Variants in SLC35F3 observed in about 807,000 individuals in gnomAD.
The protein encoded by SLC35F3 is putative thiamine transporter SLC35F3.
A neutral mutation model predicts 49.9 loss-of-function variants in SLC35F3; 25 were observed. The ratio of observed to expected loss-of-function variants is 0.50; its 90% CI spans 0.37 to 0.70. SLC35F3 has a LOEUF of 0.70. SLC35F3 is among the 30% of genes least tolerant of loss of function. The probability of loss-of-function intolerance (pLI) is 0.00; values close to 1 mark genes in which losing one functional copy is unlikely to be tolerated. For synonymous variants in SLC35F3, 275 were observed against 265.4 expected (o/e 1.04, Z -0.35); for missense variants, 525 against 639.8 (o/e 0.82, Z 1.94).
chr1:233,926,379 C>G (rs980624475), intron 2 of SLC35F3, among the ~76,000 whole-genome samples: 5 of 152,018 alleles, frequency 3.3e-5, no homozygotes, highest in Non-Finnish European at 5.9e-5. Context: ...TCATTTTATT[C>G]ATTTGATTTT....
chr1:234,236,925 T>TTTTATATATATATATATATA (rs1553317673), intron 3 of SLC35F3, among the ~76,000 whole-genome samples: 4 of 96,294 alleles, frequency 4.2e-5, no homozygotes, highest in African/African-American at 1.2e-4. Flanking sequence ...AAAAAAAAAA[T>TTTTATATATATATATATATA]TATATATATA....
At chr1:233,935,693 C>CA (rs1325969463) in intron 2 of SLC35F3, among the ~76,000 whole-genome samples, 3 of 152,184 alleles carry the variant, frequency 2.0e-5, no homozygotes, top group Non-Finnish European at 4.4e-5. Flanking sequence ...TGCCCTGCCC[C>CA]AGTTCCTCTC....
chr1:234,120,164 C>T (rs1343463393), intron 2 of SLC35F3, among the ~76,000 whole-genome samples: 1 of 152,172 alleles, frequency 6.6e-6, no homozygotes, highest in African/African-American at 2.4e-5. Context: ...CTCTGTGTTT[C>T]TTAGAGATAA....
chr1:234,296,068 T>G (rs1371267029), intron 3 of SLC35F3, among the ~76,000 whole-genome samples: 1 of 152,182 alleles, frequency 6.6e-6, no homozygotes, highest in East Asian at 1.9e-4. Flanking sequence ...AGCAGGAACA[T>G]AGAAGTGAGA....
At chr1:233,971,717 CAAAA>C (rs59905472) in intron 2 of SLC35F3, among the ~76,000 whole-genome samples, 2 of 117,378 alleles carry the variant, frequency 1.7e-5, no homozygotes, top group Non-Finnish European at 3.6e-5. Context: ...GACTCCGACT[CAAAA>C]AAAAAAAAAA....
chr1:234,035,100 G>A (rs1664121311), intron 2 of SLC35F3, among the ~76,000 whole-genome samples: 1 of 152,076 alleles, frequency 6.6e-6, no homozygotes, highest in Non-Finnish European at 1.5e-5. Context: ...TTCACTCCCT[G>A]CCTTCCGATC....
At chr1:234,072,811 C>CAAG in intron 2 of SLC35F3, among the ~76,000 whole-genome samples, 1 of 152,308 alleles carries the variant, frequency 6.6e-6, no homozygotes, top group Admixed American at 6.5e-5. Flanking sequence ...GTCCCCATCA[C>CAAG]ACCAGGCCTC....
chr1:234,272,106 A>G (rs1299664577), intron 3 of SLC35F3, among the ~76,000 whole-genome samples: 2 of 152,180 alleles, frequency 1.3e-5, no homozygotes, highest in East Asian at 3.8e-4. Flanking sequence ...AGCCTGGGCA[A>G]CAGAGCGAGA....
intron 2 of SLC35F3, among the ~76,000 whole-genome samples, chr1:234,122,735 G>A (rs1433930044): frequency 6.6e-6 from 1 of 152,142 alleles, no homozygotes; most frequent in East Asian, 1.9e-4. Context: ...CTGTTCCTGT[G>A]TTAGTCTGCT....
chr1:234,071,507 C>G (rs893953236), intron 2 of SLC35F3, among the ~76,000 whole-genome samples: 2 of 152,060 alleles, frequency 1.3e-5, no homozygotes, highest in African/African-American at 4.8e-5. Context: ...TCATGTGTTT[C>G]CAAATCTTTG....
At chr1:233,953,919 G>A (rs1212045804) in intron 2 of SLC35F3, among the ~76,000 whole-genome samples, 1 of 152,114 alleles carries the variant, frequency 6.6e-6, no homozygotes, top group Non-Finnish European at 1.5e-5. Flanking sequence ...TCTGAAAAGA[G>A]CACTTCCTGA....
chr1:234,288,420 CTA>C (rs1668456757), intron 3 of SLC35F3, among the ~76,000 whole-genome samples: 1 of 152,196 alleles, frequency 6.6e-6, no homozygotes, highest in African/African-American at 2.4e-5. Context: ...GGTTTAGAGA[CTA>C]TTAATAACAT....
Position 234,046,214 on chromosome 1 carries a change from A to T in SLC35F3, c.283+140456A>T, listed in dbSNP as rs1263181771. ...TGGCTTTTAAGAGCATGTTACACCA[A>T]ATTAAATTTATTCTAGAAATGTGTA... is the stretch of plus-strand genomic sequence containing the variant. On this transcript the variant is annotated intron_variant, in intron 2 of 7. Transcript: ENST00000366618. The surrounding 1 kb of genome is among the most constrained non-coding windows in gnomAD (Gnocchi z 4.4). 6.6e-6 allele frequency among the ~76,000 whole-genome samples: 1 copy of T among 152,182 alleles called. No individual in the cohort carries two copies. Among genetic ancestry groups the T allele is most frequent in the Non-Finnish European group, 1.5e-5 (1 of 68,016 alleles).
At chr1:234,005,646 A>G (rs1241492789) in intron 2 of SLC35F3, among the ~76,000 whole-genome samples, 1 of 152,218 alleles carries the variant, frequency 6.6e-6, no homozygotes, top group Non-Finnish European at 1.5e-5. Flanking sequence ...CTCTATGCAT[A>G]TGCTAATTTG....
chr1:234,060,942 T>C (rs1198838873), intron 2 of SLC35F3, among the ~76,000 whole-genome samples: 2 of 152,332 alleles, frequency 1.3e-5, no homozygotes, highest in East Asian at 1.9e-4. Context: ...ACAGCATACA[T>C]TATACACAGA....
In SLC35F3 at chr1:234,101,310, T is replaced by C. The variant is rs369794753; in HGVS notation, c.284-130107T>C. On this transcript the variant is annotated intron_variant, in intron 2 of 7. Coordinates refer to ENST00000366618, the MANE Select transcript of SLC35F3 (RefSeq NM_173508.4). ...CTTTCTCACTCAGTCAATATTTTTA[T>C]TCAACAAGTACTTCCGGTTGACTAT... Among the ~76,000 whole-genome samples, 3 of 152,088 alleles carry C rather than the reference T, an allele frequency of 2.0e-5. No individual in the cohort carries two copies. The South Asian group carries it at 6.2e-4, about 32-fold the overall frequency.
intron 2 of SLC35F3, among the ~76,000 whole-genome samples, chr1:234,082,386 A>G (rs1211851441): frequency 6.6e-6 from 1 of 152,192 alleles, no homozygotes; most frequent in Non-Finnish European, 1.5e-5. Context: ...AGCTAACTGT[A>G]ACCATGTCAC....
chr1:233,947,292 C>T (rs1662527646), intron 2 of SLC35F3, among the ~76,000 whole-genome samples: 1 of 152,018 alleles, frequency 6.6e-6, no homozygotes, highest in African/African-American at 2.4e-5. Flanking sequence ...GGCATATGTC[C>T]ATACTCCCAC....
chr1:234,218,924 C>G (rs1667161630), intron 2 of SLC35F3, among the ~76,000 whole-genome samples: 1 of 151,914 alleles, frequency 6.6e-6, no homozygotes, highest in Non-Finnish European at 1.5e-5. Context: ...TGGCGTGCAC[C>G]TGCAGTCCCA....
Sources: allele counts gnomAD v4.1 joint callset (sites outside exome capture counted in the v4.1 genomes callset), GRCh38; gene constraint gnomAD v4.1.1; non-coding constraint Gnocchi (gnomAD v3.1); transcripts MANE v1.5; gene names NCBI Gene and HGNC (gene_info 2026-07-23, HGNC 2026-07-21).